The following CSRNP1 variants were observed in gnomAD, a reference collection of about 807,000 sequenced individuals.
The protein encoded by CSRNP1 is cysteine and serine rich nuclear protein 1.
A neutral mutation model predicts 25.0 loss-of-function variants in CSRNP1; 8 were observed. The ratio of observed to expected loss-of-function variants is 0.32; its 90% CI spans 0.19 to 0.58. CSRNP1 has a LOEUF of 0.58. CSRNP1 is among the 20% of genes least tolerant of loss of function. CSRNP1 has a pLI of 0.88. For missense variants in CSRNP1, 691 were observed against 773.1 expected, an observed-to-expected ratio of 0.89 and a Z score of 1.26; for synonymous variants, 305 against 303.1, an observed-to-expected ratio of 1.01 and a Z score of -0.06.
chr3:39,153,045 C>T (rs1378054101), intron 1 of CSRNP1: 3 of 152,230 alleles, frequency 2.0e-5, no homozygotes, highest in Non-Finnish European at 2.9e-5. Context: ...ACAAATGTCA[C>T]CTGCTCCGGC....
intron 2 of CSRNP1, among the ~76,000 whole-genome samples, chr3:39,146,037 A>G (rs2039504620): frequency 6.6e-6 from 1 of 152,230 alleles, no homozygotes; most frequent in Non-Finnish European, 1.5e-5. Flanking sequence ...CAAGCTTGAA[A>G]ATAACCAGGA....
At position 39,147,849 on chromosome 3, in the gene CSRNP1, T is replaced by C. The variant is rs560031365; in HGVS notation, c.-40-1127A>G. On this transcript the variant is annotated intron_variant, in intron 1 of 4. Coordinates refer to ENST00000273153, the MANE Select transcript of CSRNP1 (RefSeq NM_033027.4). ...GCTACCTTGTGTCTGTTGCTCCAGC[T>C]GGGCCTTCGGGGAGGTCACCAGGGG... 2.6e-5 allele frequency among the ~76,000 whole-genome samples: 4 copies of C among 152,256 alleles called. No homozygotes were observed. In the South Asian group the frequency reaches 8.3e-4, roughly 32 times the overall value.
Position 39,146,518 on chromosome 3 carries a change from G to A in CSRNP1, c.165C>T (p.Pro55=), listed in dbSNP as rs1342519395. ...GGCCGCAGAAGTCACGGTCAGGCAG[G>A]GGCATCTGATCCCAGGGGCCTTCCT... ...SEEEGPWDQM[P]LPDRDFCGPR... is the part of the protein sequence containing the mutation. Residue 55 remains proline (P), a synonymous_variant, in exon 2 of 5, where the codon CCC becomes CCT. Transcript: ENST00000273153. 1 of 1,550,856 alleles carries A rather than the reference G, an allele frequency of 6.4e-7. No individual in the cohort carries two copies. Among genetic ancestry groups the A allele is most frequent in the Non-Finnish European group, 8.7e-7 (1 of 1,146,666 alleles).
At position 39,143,476 on chromosome 3, in the gene CSRNP1, G is replaced by A. The variant is rs2039447914; in HGVS notation, c.1349C>T (p.Thr450Ile). Residue 450 changes from threonine (T) to isoleucine (I), a missense_variant, in exon 5 of 5, where the codon ACA becomes ATA. Thr to Ile is a moderately conservative substitution (Grantham distance 89). Transcript: ENST00000273153. ...WTHSYSGCSF[T>I]SGVLDENANL... Reference sequence around the variant, plus strand: ...GGCATTCTCATCCAGGACGCCTGATGTGAAGCTACAGCCAGAATAGCTGTG... The same window carrying A: ...GGCATTCTCATCCAGGACGCCTGATATGAAGCTACAGCCAGAATAGCTGTG... 3 of 1,614,034 alleles carry A rather than the reference G, an allele frequency of 1.9e-6. No individual in the cohort carries two copies. The highest frequency in any genetic ancestry group is 1.3e-5 in the African/African-American group (1 of 74,940).
At position 39,143,022 on chromosome 3, in the gene CSRNP1, G is replaced by A; in HGVS notation, c.*33C>T. 6.5e-7 allele frequency: 1 copy of A among 1,527,032 alleles called. No individual in the cohort carries two copies. Among genetic ancestry groups the A allele is most frequent in the Non-Finnish European group, 8.8e-7 (1 of 1,137,784 alleles). 94.6% of individuals were successfully genotyped at this position (1,527,032 alleles called of 1,614,324 possible). A position where few individuals can be genotyped will look rare whatever the true frequency, so the allele number is the denominator to read the frequency against. On this transcript the variant is annotated 3_prime_UTR_variant, in exon 5 of 5. Coordinates refer to ENST00000273153, the MANE Select transcript of CSRNP1 (RefSeq NM_033027.4). ...CATAATTACAAGAAAGCAGCAACAG[G>A]TCTCTTGGGGCTGGGAAAAGACATC... is the stretch of plus-strand genomic sequence containing the variant.
chr3:39,144,867 C>G lies in CSRNP1; in HGVS notation c.465+130G>C, dbSNP rs1028867919. On this transcript the variant is annotated intron_variant, in intron 3 of 4. Transcript: ENST00000273153. ...AACAGGCTCCAATCAAGCCAATCAC[C>G]AGGCCCACAGGCCTGTTTCCCCATA... 5 of 1,152,236 alleles carry G rather than the reference C, an allele frequency of 4.3e-6. No individual in the cohort carries two copies. The East Asian group carries it at 1.3e-4, about 30-fold the overall frequency. 71.4% of individuals were successfully genotyped at this position (1,152,236 alleles called of 1,614,324 possible).
intron 1 of CSRNP1, chr3:39,149,234 A>G (rs890351095): frequency 6.6e-6 from 1 of 152,160 alleles, no homozygotes; most frequent in Non-Finnish European, 1.5e-5. Flanking sequence ...TTCAAAAAAA[A>G]AGGCAGAACT....
chr3:39,146,430 T>C, intron 2 of CSRNP1, 48 bp downstream of exon 2: 4 of 1,479,020 alleles, frequency 2.7e-6, no homozygotes, highest in Non-Finnish European at 3.6e-6. Context: ...ATTTCATCTT[T>C]CAGGAAGGCA....
chr3:39,143,686 G>A lies in CSRNP1; in HGVS notation c.1139C>T (p.Pro380Leu), dbSNP rs1280693638. 6.2e-7 allele frequency: 1 copy of A among 1,614,074 alleles called. No homozygotes were observed. The highest frequency in any genetic ancestry group is 1.3e-5 in the African/African-American group (1 of 74,914). The change falls in exon 5 of 5, where the codon CCT (proline) becomes CTT (leucine). Residue 380 changes from proline to leucine, a missense_variant. Physicochemically the swap from Pro to Leu is moderately conservative, Grantham distance 98. Transcript: ENST00000273153. ...ATCATCAACGCCAGGCTGGAAGCCA[G>A]GGCCAGGCAGGCCTGGGTGGGTGGG... ...DCPTHPGLPG[P>L]GFQPGVDDDS...
chr3:39,148,342 G>A (rs2125887663), intron 1 of CSRNP1: 2 of 152,396 alleles, frequency 1.3e-5, no homozygotes, highest in Admixed American at 6.5e-5. Flanking sequence ...CCAGAGGCAG[G>A]CATACTCACA....
upstream of CSRNP1, chr3:39,153,999 C>A (rs977089659): frequency 6.6e-6 from 1 of 152,286 alleles, no homozygotes; most frequent in Middle Eastern, 3.4e-3. Context: ...GCAGAGCCGA[C>A]GTCTCCTGTA....
chr3:39,144,499 G>A, intron 3 of CSRNP1, 48 bp from the exon 4 acceptor site: 1 of 1,534,482 alleles, frequency 6.5e-7, no homozygotes, highest in South Asian at 1.2e-5. Flanking sequence ...CATGGACATG[G>A]GCTTAGCCCT....
Position 39,145,027 on chromosome 3 carries a change from T to C in CSRNP1, c.435A>G (p.Lys145=), listed in dbSNP as rs2039485422. 2 of 1,612,378 alleles carry C rather than the reference T, an allele frequency of 1.2e-6. No homozygotes were observed. Among genetic ancestry groups the C allele is most frequent in the Non-Finnish European group, 1.7e-6 (2 of 1,178,700 alleles). Residue 145 remains lysine (K), a synonymous_variant, in exon 3 of 5, where the codon AAA becomes AAG. Coordinates refer to ENST00000273153, the MANE Select transcript of CSRNP1 (RefSeq NM_033027.4). ...ACTGCAGCATCTCCAACTTCTCCTC[T>C]TTCAAGCGCTGGCGGAGCTTCTCGT... ...ARHEKLRQRL[K]EEKLEMLQWK...
Position 39,143,437 on chromosome 3 carries a change from C to G in CSRNP1, c.1388G>C (p.Ser463Thr). 1.2e-6 allele frequency: 2 copies of G among 1,614,168 alleles called. No individual in the cohort carries two copies. The highest frequency in any genetic ancestry group is 1.7e-6 in the Non-Finnish European group (2 of 1,179,990). ...TTCAAGGCCACCATTTAGGAAGCAG[C>G]TGGCATCCAGGTTGGCATTCTCATC... The part of the protein sequence containing the change: ...VLDENANLDA[S>T]CFLNGGLEGS... The change falls in exon 5 of 5, where the codon AGC becomes ACC. Residue 463 changes from serine to threonine, a missense_variant. Ser to Thr is a moderately conservative substitution (Grantham distance 58). Transcript: ENST00000273153.
chr3:39,146,203 TG>T (rs2125886458), intron 2 of CSRNP1, among the ~76,000 whole-genome samples: 1 of 152,126 alleles, frequency 6.6e-6, no homozygotes, highest in East Asian at 1.9e-4. Context: ...GAAACGAAAC[TG>T]GAACAGAAGG....
At chr3:39,144,631 GA>G (rs57973898) in intron 3 of CSRNP1, among the ~76,000 whole-genome samples, 180 bp from the exon 4 acceptor site, 147 of 136,552 alleles carry the variant, frequency 1.1e-3, no homozygotes, top group South Asian at 2.1e-3. Flanking sequence ...CAGGGCATTT[GA>G]AAAAAAAAAA....
chr3:39,148,092 T>A (rs915160364), intron 1 of CSRNP1, among the ~76,000 whole-genome samples: 6 of 152,224 alleles, frequency 3.9e-5, no homozygotes, highest in African/African-American at 1.4e-4. Context: ...CCTTACTAAC[T>A]GGATAATGTT....
Position 39,143,826 on chromosome 3 carries a change from T to C in CSRNP1, c.999A>G (p.Pro333=). ...CATTGTTCATGGGGGGCTTGGCCAG[T>C]GGGAAAGTAGGGACCAGGGCCTCCT... is the stretch of plus-strand genomic sequence containing the variant. ...PGEEALVPTF[P]LAKPPMNNEL... is the part of the protein sequence containing the mutation. Residue 333 remains proline (P), a synonymous_variant, in exon 5 of 5, where the codon CCA becomes CCG. Coordinates refer to ENST00000273153, the MANE Select transcript of CSRNP1 (RefSeq NM_033027.4). 1.2e-6 allele frequency: 2 copies of C among 1,614,076 alleles called. No homozygotes were observed. Among genetic ancestry groups the C allele is most frequent in the South Asian group, 1.1e-5 (1 of 91,080 alleles).
At position 39,142,054 on chromosome 3, in the gene CSRNP1, GCAAA is replaced by G. The variant is rs1259119959; in HGVS notation, c.*997_*1000del. On this transcript the variant is annotated 3_prime_UTR_variant, in exon 5 of 5. Coordinates refer to ENST00000273153, the MANE Select transcript of CSRNP1 (RefSeq NM_033027.4). ...AATTATGATGCAAAATTAAACATTAGCAAACAAAGGGTATAAAAACCCTCAGGAG... is the reference window on the plus strand; with the variant it reads ...AATTATGATGCAAAATTAAACATTAGCAAAGGGTATAAAAACCCTCAGGAG... The G allele has an allele frequency of 6.5e-6, 1 of 152,698 alleles. No homozygotes were observed. Among genetic ancestry groups the G allele is most frequent in the Non-Finnish European group, 1.5e-5 (1 of 68,060 alleles). 9.5% of individuals were successfully genotyped at this position (152,698 alleles called of 1,614,324 possible). A position where few individuals can be genotyped will look rare whatever the true frequency, so the allele number is the denominator to read the frequency against.
Sources: gnomAD v4.1 joint callset for allele counts (sites outside exome capture counted in the v4.1 genomes callset) on GRCh38, gnomAD v4.1.1 for gene constraint, MANE v1.5 for transcripts, NCBI Gene and HGNC (gene_info 2026-07-23, HGNC 2026-07-21) for gene names.